Variants in ZFAND4 observed in about 807,000 individuals in gnomAD.
ZFAND4 encodes the protein zinc finger AN1-type containing 4.
A neutral mutation model predicts 64.4 loss-of-function variants in ZFAND4; 43 were observed. The ratio of observed to expected loss-of-function variants is 0.67; its 90% CI spans 0.52 to 0.86. The LOEUF (loss-of-function observed/expected upper bound fraction) is 0.86, where lower values mean the gene tolerates loss of function less well. ZFAND4 is among the 40% of genes least tolerant of loss of function. The probability of loss-of-function intolerance (pLI) is 0.00; values close to 1 mark genes in which losing one functional copy is unlikely to be tolerated. For synonymous variants in ZFAND4, 296 were observed against 305.7 expected, an observed-to-expected ratio of 0.97 and a Z score of 0.33; for missense variants, 929 against 859.8, an observed-to-expected ratio of 1.08 and a Z score of -1.01.
intron 6 of ZFAND4, among the ~76,000 whole-genome samples, chr10:45,634,526 CAA>C (rs992129817): frequency 3.7e-4 from 24 of 65,080 alleles, no homozygotes; most frequent in African/African-American, 1.7e-4. Context: ...GACTCCATCT[CAA>C]AAAAAAAAAA....
At position 45,648,382 on chromosome 10, in the gene ZFAND4, C is replaced by T; in HGVS notation, c.481G>A (p.Asp161Asn). 6.2e-7 allele frequency: 1 copy of T among 1,614,006 alleles called. No homozygotes were observed. Residue 161 changes from aspartate to asparagine, a missense_variant, in exon 5 of 10, where the codon GAT becomes AAT. By Grantham distance (23) the Asp-to-Asn change is conservative. Coordinates refer to ENST00000344646, the MANE Select transcript of ZFAND4 (RefSeq NM_174890.4). ...TCAGATAACGGTGTTAAAGTGCCAT[C>T]TCCCCTATCTACTGCAGGAAAGAAA... ...LNFFPAVDRG[D>N]GTLTPLSDSS...
At chr10:45,669,312 C>A (rs1589458202) in intron 1 of ZFAND4, among the ~76,000 whole-genome samples, 2 of 152,114 alleles carry the variant, frequency 1.3e-5, no homozygotes, top group African/African-American at 4.8e-5. Context: ...ACACATATAC[C>A]TTCCCAGGAC....
intron 1 of ZFAND4, among the ~76,000 whole-genome samples, chr10:45,669,997 T>TC (rs1367729164): frequency 3.9e-5 from 6 of 152,098 alleles, no homozygotes; most frequent in African/African-American, 1.4e-4. Flanking sequence ...CTCTCACCAC[T>TC]CCTATTTAAC....
chr10:45,648,214 G>A, intron 5 of ZFAND4, 80 bp downstream of exon 5: 4 of 1,352,154 alleles, frequency 3.0e-6, no homozygotes, highest in Non-Finnish European at 3.9e-6. Flanking sequence ...GGGGGCTGGG[G>A]CAGGAATGAG....
chr10:45,629,341 C>G (rs566627411), intron 6 of ZFAND4, among the ~76,000 whole-genome samples: 4 of 152,212 alleles, frequency 2.6e-5, no homozygotes, highest in Non-Finnish European at 4.4e-5. Context: ...GGATTATAGG[C>G]ATGAGCCACC....
intron 1 of ZFAND4, among the ~76,000 whole-genome samples, chr10:45,667,660 G>C (rs957094890): frequency 6.6e-6 from 1 of 152,070 alleles, no homozygotes; most frequent in South Asian, 2.1e-4. Context: ...GTAGAGACAA[G>C]GTTTTACCAA....
intron 6 of ZFAND4, 70 bp from the exon 7 acceptor site, chr10:45,627,175 G>A (rs1171445945): frequency 1.5e-6 from 2 of 1,300,494 alleles, no homozygotes; most frequent in Admixed American, 2.9e-5. Flanking sequence ...ATTAGCGAAG[G>A]AAGAAAATGT....
At chr10:45,667,754 C>T (rs1194303405) in intron 1 of ZFAND4, among the ~76,000 whole-genome samples, 1 of 152,154 alleles carries the variant, frequency 6.6e-6, no homozygotes, top group African/African-American at 2.4e-5. Context: ...CAGGCCTGAG[C>T]CACTGCACTG....
Position 45,663,659 on chromosome 10 carries a change from G to T in ZFAND4, c.67C>A (p.His23Asn). 6.2e-7 allele frequency: 1 copy of T among 1,611,160 alleles called. No homozygotes were observed. Among genetic ancestry groups the T allele is most frequent in the Non-Finnish European group, 8.5e-7 (1 of 1,179,162 alleles). Residue 23 changes from histidine (H) to asparagine (N), a missense_variant, in exon 2 of 10, where the codon CAT becomes AAT. By Grantham distance (68) the His-to-Asn change is moderately conservative. Coordinates refer to ENST00000344646, the MANE Select transcript of ZFAND4 (RefSeq NM_174890.4). ...AAGAGCTCCATGGTATCACAGAAAT[G>T]AAGTCTGTAGTAAAATGGTCCCATG... is the stretch of plus-strand genomic sequence containing the variant. ...DNMGPFYYRL[H>N]FCDTMELFIE...
At chr10:45,655,741 A>G (rs1415281772) in intron 2 of ZFAND4, among the ~76,000 whole-genome samples, 6 of 152,256 alleles carry the variant, frequency 3.9e-5, no homozygotes, top group African/African-American at 1.4e-4. Context: ...ACCTTTATGC[A>G]CATAAACTAG....
chr10:45,665,146 T>TA (rs531395807), intron 1 of ZFAND4, among the ~76,000 whole-genome samples: 6 of 152,292 alleles, frequency 3.9e-5, no homozygotes, highest in Admixed American at 3.9e-4. Flanking sequence ...AAATTGCTAT[T>TA]GCTATTAATC....
At chr10:45,633,524 C>T (rs913925415) in intron 6 of ZFAND4, among the ~76,000 whole-genome samples, 1 of 151,790 alleles carries the variant, frequency 6.6e-6, no homozygotes, top group African/African-American at 2.4e-5. Context: ...GAGACTCCCA[C>T]CTCTAAAAAC....
At chr10:45,660,907 C>T (rs971681876) in intron 2 of ZFAND4, among the ~76,000 whole-genome samples, 3 of 152,086 alleles carry the variant, frequency 2.0e-5, no homozygotes, top group African/African-American at 7.2e-5. Flanking sequence ...CGTTAAAAGA[C>T]ATTATTCACA....
At chr10:45,641,229 G>T (rs2046978620) in intron 5 of ZFAND4, among the ~76,000 whole-genome samples, 1 of 152,146 alleles carries the variant, frequency 6.6e-6, no homozygotes, top group Non-Finnish European at 1.5e-5. Flanking sequence ...AATTAGAATG[G>T]CAAGGATTTG....
chr10:45,629,357 G>C (rs1233473674), intron 6 of ZFAND4, among the ~76,000 whole-genome samples: 1 of 151,946 alleles, frequency 6.6e-6, no homozygotes, highest in South Asian at 2.1e-4. Flanking sequence ...CCACCACACC[G>C]GGCATTAAAG....
intron 5 of ZFAND4, among the ~76,000 whole-genome samples, chr10:45,641,638 A>G (rs1042562466): frequency 6.6e-6 from 1 of 152,204 alleles, no homozygotes; most frequent in African/African-American, 2.4e-5. Flanking sequence ...TTGACTTGTG[A>G]CAGCCACAGT....
chr10:45,646,339 C>T (rs1201565321), intron 5 of ZFAND4, among the ~76,000 whole-genome samples: 1 of 152,154 alleles, frequency 6.6e-6, no homozygotes, highest in Non-Finnish European at 1.5e-5. Flanking sequence ...AAGTTTGCTA[C>T]CCCTGTTGTA....
At chr10:45,648,005 T>G (rs2047505570) in intron 5 of ZFAND4, among the ~76,000 whole-genome samples, 4 of 152,192 alleles carry the variant, frequency 2.6e-5, no homozygotes, top group Admixed American at 2.6e-4. Context: ...AAAAAAGGTA[T>G]CAACTTTAGG....
At position 45,655,360 on chromosome 10, in the gene ZFAND4, A is replaced by G. The variant is rs575874535; in HGVS notation, c.185-2301T>C. 1.2e-4 allele frequency among the ~76,000 whole-genome samples: 19 copies of G among 152,370 alleles called. No homozygotes were observed. In the South Asian group the frequency reaches 2.7e-3, roughly 22 times the overall value. On this transcript the variant is annotated intron_variant, in intron 2 of 9. Transcript: ENST00000344646. ...TCTGGGATACAGCAAAAGCAGTGCT[A>G]AGAGGAAAGTTTATAGTGCTGAATG...
Sources: gnomAD v4.1 joint callset for allele counts (sites outside exome capture counted in the v4.1 genomes callset) on GRCh38, gnomAD v4.1.1 for gene constraint, MANE v1.5 for transcripts, NCBI Gene and HGNC (gene_info 2026-07-23, HGNC 2026-07-21) for gene names.